Variants in GRIK1 observed in about 807,000 individuals in gnomAD.
GRIK1 encodes the protein glutamate receptor ionotropic, kainate 1.
GRIK1 carries 69 observed loss-of-function variants against 105.7 expected under a neutral mutation model. The observed-to-expected ratio is 0.65, with a 90% CI of 0.54 to 0.80. The LOEUF is 0.80. GRIK1 is among the 30% of genes least tolerant of loss of function. The pLI, the probability that GRIK1 is intolerant of heterozygous loss-of-function variation, is 0.00. For missense variants in GRIK1, 1,109 were observed against 1,167.3 expected (o/e 0.95, Z 0.73); for synonymous variants, 438 against 431.3 (o/e 1.02, Z -0.19).
chr21:29,549,500 T>G (rs1266390568), intron 16 of GRIK1, among the ~76,000 whole-genome samples: 2 of 152,184 alleles, frequency 1.3e-5, no homozygotes, highest in Non-Finnish European at 1.5e-5. Context: ...ATACAACTAG[T>G]TTTAGTCATT....
chr21:29,634,332 A>G (rs1270269469), intron 7 of GRIK1, among the ~76,000 whole-genome samples: 1 of 152,248 alleles, frequency 6.6e-6, no homozygotes, highest in Non-Finnish European at 1.5e-5. Context: ...AAGCAGTGGC[A>G]GAAAACTGCC....
At position 29,555,321 on chromosome 21, in the gene GRIK1, G is replaced by A; in HGVS notation, c.2357-19C>T. The A allele has an allele frequency of 6.2e-7, 1 of 1,604,518 alleles. No individual in the cohort carries two copies. Among genetic ancestry groups the A allele is most frequent in the Non-Finnish European group, 8.5e-7 (1 of 1,175,068 alleles). On this transcript the variant is annotated intron_variant, in intron 15 of 17. Coordinates refer to ENST00000327783, the MANE Select transcript of GRIK1 (RefSeq NM_001330994.2). ...GGAGAACCTGGAAGTAAAACCATCT[G>A]GATATTGGTCACCAAAATGTTGAAG...
At chr21:29,917,326 T>C (rs193196650) in intron 1 of GRIK1, among the ~76,000 whole-genome samples, 13 of 152,212 alleles carry the variant, frequency 8.5e-5, no homozygotes, top group African/African-American at 3.1e-4. Context: ...TAAGCATGTC[T>C]CACTTCTTGG....
intron 3 of GRIK1, among the ~76,000 whole-genome samples, chr21:29,685,668 A>G (rs1439775951): frequency 3.3e-5 from 5 of 152,174 alleles, no homozygotes; most frequent in Non-Finnish European, 7.3e-5. Flanking sequence ...ATTTTAAGTC[A>G]TTATTAGCCA....
chr21:29,635,545 T>C (rs888646801), intron 7 of GRIK1, among the ~76,000 whole-genome samples: 12 of 152,180 alleles, frequency 7.9e-5, no homozygotes, highest in African/African-American at 1.2e-4. Context: ...GACCAGTGAC[T>C]GATATAAATG....
intron 1 of GRIK1, among the ~76,000 whole-genome samples, chr21:29,717,340 G>A (rs1225195558): frequency 6.6e-6 from 1 of 152,328 alleles, no homozygotes; most frequent in African/African-American, 2.4e-5. Context: ...CAGGATGATA[G>A]ATCCACCAAC....
At chr21:29,599,979 G>T (rs947705033) in intron 7 of GRIK1, among the ~76,000 whole-genome samples, 1 of 152,094 alleles carries the variant, frequency 6.6e-6, no homozygotes, top group Admixed American at 6.5e-5. Flanking sequence ...CCAGCTACTC[G>T]GGAGGCTGAG....
intron 1 of GRIK1, among the ~76,000 whole-genome samples, chr21:29,785,584 A>AG (rs906124468): frequency 4.8e-5 from 7 of 146,434 alleles, no homozygotes; most frequent in South Asian, 4.3e-4. Context: ...AAAAAAAAAA[A>AG]GCCCCCGAAA....
At chr21:29,560,836 G>A (rs1306398043) in intron 15 of GRIK1, among the ~76,000 whole-genome samples, 2 of 151,860 alleles carry the variant, frequency 1.3e-5, no homozygotes, top group Admixed American at 1.3e-4. Context: ...TCCTGACCTC[G>A]TGATCTGCCT....
intron 14 of GRIK1, among the ~76,000 whole-genome samples, chr21:29,569,001 C>T (rs1020204634): frequency 2.0e-5 from 3 of 152,190 alleles, no homozygotes; most frequent in South Asian, 2.1e-4. Flanking sequence ...GTAAGTGCTT[C>T]GGCATATGCA....
Position 29,771,218 on chromosome 21 carries a change from T to C in GRIK1, c.119-77155A>G, listed in dbSNP as rs114134621. Among the ~76,000 whole-genome samples the C allele has an allele frequency of 5.0e-3, 756 of 152,330 alleles. 10 individuals are homozygous for C. The highest frequency in any genetic ancestry group is 0.017 in the African/African-American group (724 of 41,568). Reference sequence around the variant, plus strand: ...TGTCAACATTTTATTTTATCTGAATTATGTAGTTCCAAAACTCATACTATG... The same window carrying C: ...TGTCAACATTTTATTTTATCTGAATCATGTAGTTCCAAAACTCATACTATG... On this transcript the variant is annotated intron_variant, in intron 1 of 17. Coordinates refer to ENST00000327783, the MANE Select transcript of GRIK1 (RefSeq NM_001330994.2).
chr21:29,891,172 T>C (rs1378410449), intron 1 of GRIK1, among the ~76,000 whole-genome samples: 1 of 152,206 alleles, frequency 6.6e-6, no homozygotes, highest in Non-Finnish European at 1.5e-5. Context: ...TAAGACTCAT[T>C]CTTCTTTCAT....
intron 1 of GRIK1, among the ~76,000 whole-genome samples, chr21:29,879,792 C>A (rs568614705): frequency 1.2e-3 from 179 of 152,004 alleles, no homozygotes; most frequent in Non-Finnish European, 2.1e-3. Context: ...TTGCAACTGT[C>A]TTCTGCTTAT....
chr21:29,856,514 C>G (rs2068469269), intron 1 of GRIK1, among the ~76,000 whole-genome samples: 1 of 152,120 alleles, frequency 6.6e-6, no homozygotes, highest in East Asian at 1.9e-4. Context: ...CAGGCTGATC[C>G]CAGTGCTGCA....
chr21:29,707,151 A>G (rs2063928007), intron 1 of GRIK1, among the ~76,000 whole-genome samples: 1 of 152,204 alleles, frequency 6.6e-6, no homozygotes, highest in Admixed American at 6.5e-5. Flanking sequence ...GGCGTGAGCC[A>G]CCGCGCCCGG....
At chr21:29,785,031 A>G (rs1426839946) in intron 1 of GRIK1, among the ~76,000 whole-genome samples, 3 of 152,330 alleles carry the variant, frequency 2.0e-5, no homozygotes, top group African/African-American at 7.2e-5. Context: ...GCAGCAAAAC[A>G]AAACAAACCC....
At chr21:29,807,174 T>C (rs1397847717) in intron 1 of GRIK1, among the ~76,000 whole-genome samples, 1 of 152,176 alleles carries the variant, frequency 6.6e-6, no homozygotes. Flanking sequence ...TAAAGCTTCT[T>C]TTAAAAGCTA....
At chr21:29,695,106 A>T (rs1300325047) in intron 1 of GRIK1, among the ~76,000 whole-genome samples, 1 of 152,184 alleles carries the variant, frequency 6.6e-6, no homozygotes, top group South Asian at 2.1e-4. Flanking sequence ...GGTGTCTTAA[A>T]CATGAGGATC....
intron 1 of GRIK1, among the ~76,000 whole-genome samples, chr21:29,749,859 C>T (rs527900331): frequency 3.5e-4 from 53 of 152,100 alleles, no homozygotes; most frequent in African/African-American, 1.1e-3. Flanking sequence ...AAACCTAGTC[C>T]GCATATTGCA....
Sources: allele counts gnomAD v4.1 joint callset (sites outside exome capture counted in the v4.1 genomes callset), GRCh38; gene constraint gnomAD v4.1.1; transcripts MANE v1.5; gene names NCBI Gene and HGNC (gene_info 2026-07-23, HGNC 2026-07-21).